ZGRF1: variants seen among roughly 807,000 people sequenced by gnomAD.
ZGRF1 encodes 5'-3' DNA helicase ZGRF1.
ZGRF1 carries 196 observed loss-of-function variants against 203.5 expected under a neutral mutation model. That is an observed-to-expected ratio of 0.96 (90% CI 0.86 to 1.08). The LOEUF is 1.08. Ranked by LOEUF, ZGRF1 falls within the 50% of genes least tolerant of loss-of-function variation. The probability of loss-of-function intolerance (pLI) is 0.00; values close to 1 mark genes in which losing one functional copy is unlikely to be tolerated. For synonymous variants in ZGRF1, 809 were observed against 841.3 expected, an observed-to-expected ratio of 0.96 and a Z score of 0.66; for missense variants, 2,326 against 2,416.3, an observed-to-expected ratio of 0.96 and a Z score of 0.78.
At chr4:112,629,272 T>C (rs965302076) in intron 3 of ZGRF1, among the ~76,000 whole-genome samples, 1 of 152,242 alleles carries the variant, frequency 6.6e-6, no homozygotes, top group South Asian at 2.1e-4. Context: ...TAGAACTGGA[T>C]ATAGAGATAA....
intron 24 of ZGRF1, among the ~76,000 whole-genome samples, chr4:112,545,193 GAA>G (rs1313355560): frequency 3.3e-5 from 5 of 149,598 alleles, no homozygotes; most frequent in African/African-American, 1.2e-4. Context: ...CTATTAAAGT[GAA>G]AAGACAACCA....
rs926727238 is a variant in ZGRF1, at chr4:112,580,849, C to G, written c.4438+814G>C. 1.6e-3 allele frequency among the ~76,000 whole-genome samples: 241 copies of G among 152,208 alleles called. 1 individual carries two copies. The highest frequency in any genetic ancestry group is 2.5e-3 in the Non-Finnish European group (170 of 68,014). On this transcript the variant is annotated intron_variant, in intron 16 of 27. Transcript: ENST00000505019. Reference sequence around the variant, plus strand: ...TTGGTGGGACTGTAAACTAGTTCAACCATTGTGGAAGTCAGTGTGGTGATT... The same window carrying G: ...TTGGTGGGACTGTAAACTAGTTCAAGCATTGTGGAAGTCAGTGTGGTGATT...
At chr4:112,600,202 T>G (rs1749722174) in intron 10 of ZGRF1, among the ~76,000 whole-genome samples, 2 of 152,078 alleles carry the variant, frequency 1.3e-5, no homozygotes, top group Non-Finnish European at 2.9e-5. Flanking sequence ...TACCTAATTT[T>G]TAAATTTTTT....
intron 19 of ZGRF1, among the ~76,000 whole-genome samples, chr4:112,559,644 C>T (rs1475294693): frequency 1.3e-5 from 2 of 152,222 alleles, no homozygotes; most frequent in Non-Finnish European, 2.9e-5. Context: ...ATGTGCCAAG[C>T]ACTGTTCTAA....
intron 18 of ZGRF1, 80 bp downstream of exon 18, chr4:112,562,291 T>C (rs1578728755): frequency 1.3e-6 from 1 of 758,758 alleles, no homozygotes; most frequent in Non-Finnish European, 2.3e-6. Flanking sequence ...ATTTATATAC[T>C]GTACTTTTAT....
At chr4:112,559,353 C>T (rs1487927171) in intron 19 of ZGRF1, among the ~76,000 whole-genome samples, 1 of 152,114 alleles carries the variant, frequency 6.6e-6, no homozygotes, top group Non-Finnish European at 1.5e-5. Context: ...TGCATGCCTC[C>T]ATGTCCAGCT....
chr4:112,539,454 A>G lies in ZGRF1; in HGVS notation c.*93T>C. The stretch of plus-strand genomic sequence containing the variant: ...ATGTTATTTAAATATCATATTTTTA[A>G]TAAGAGGGTTTAGAGTAATAAAAAT... On this transcript the variant is annotated 3_prime_UTR_variant, in exon 28 of 28. Coordinates refer to ENST00000505019, the MANE Select transcript of ZGRF1 (RefSeq NM_018392.5). 1 of 651,634 alleles carries G rather than the reference A, an allele frequency of 1.5e-6. No homozygotes were observed. Among genetic ancestry groups the G allele is most frequent in the Non-Finnish European group, 2.3e-6 (1 of 430,184 alleles). 40.4% of individuals were successfully genotyped at this position (651,634 alleles called of 1,614,324 possible).
Position 112,539,522 on chromosome 4 carries a change from T to C in ZGRF1, c.*25A>G, listed in dbSNP as rs1175685397. On this transcript the variant is annotated 3_prime_UTR_variant, in exon 28 of 28. Transcript: ENST00000505019. The stretch of plus-strand genomic sequence containing the variant: ...TAAAATGAGTCTGAATTTACATAAA[T>C]ACAAAATATTTACACCATGTCTTTT... The C allele has an allele frequency of 5.3e-6, 6 of 1,134,096 alleles. No individual in the cohort carries two copies. In the Admixed American group the frequency reaches 8.9e-5, roughly 17 times the overall value. 70.3% of individuals were successfully genotyped at this position (1,134,096 alleles called of 1,614,324 possible).
chr4:112,625,852 G>A (rs999643975), intron 3 of ZGRF1, among the ~76,000 whole-genome samples: 7 of 149,396 alleles, frequency 4.7e-5, no homozygotes, highest in African/African-American at 1.2e-4. Context: ...CTGAGAACAC[G>A]CCATTGCACT....
Position 112,587,283 on chromosome 4 carries a change from T to C in ZGRF1, c.3774A>G (p.Leu1258=). ...CAAGACCGGTACATTTCCTCACCTG[T>C]AAATCCTTTACACTGTAGTTGTAGC... ...STCYNYSVKD[L]QEISGSELCF... The change falls in exon 12 of 28, where the codon TTA becomes TTG. Residue 1258 remains leucine (L), a synonymous_variant. Transcript: ENST00000505019. 6.2e-7 allele frequency: 1 copy of C among 1,601,784 alleles called. No homozygotes were observed. Among genetic ancestry groups the C allele is most frequent in the East Asian group, 2.2e-5 (1 of 44,770 alleles).
intron 13 of ZGRF1, among the ~76,000 whole-genome samples, chr4:112,586,094 A>G (rs1747137155): frequency 6.6e-6 from 1 of 152,152 alleles, no homozygotes; most frequent in African/African-American, 2.4e-5. Flanking sequence ...TACAAAAATT[A>G]GCTGGGTGTG....
intron 13 of ZGRF1, 85 bp from the exon 14 acceptor site, chr4:112,585,810 T>G: frequency 1.1e-6 from 1 of 931,272 alleles, no homozygotes; most frequent in Non-Finnish European, 1.5e-6. Context: ...TAGCTAAATT[T>G]GAATAGCCTT....
chr4:112,631,826 T>C (rs1190444354), intron 3 of ZGRF1, 104 bp downstream of exon 3: 2 of 522,488 alleles, frequency 3.8e-6, no homozygotes, highest in Non-Finnish European at 6.8e-6. Context: ...ATCATTTCAG[T>C]GTATGGATAT....
intron 24 of ZGRF1, among the ~76,000 whole-genome samples, chr4:112,544,759 T>A (rs1283345609): frequency 6.6e-6 from 1 of 152,154 alleles, no homozygotes; most frequent in Non-Finnish European, 1.5e-5. Flanking sequence ...CTCTGCCATG[T>A]GAGGACACAG....
At chr4:112,628,826 T>A (rs1475235216) in intron 3 of ZGRF1, 1 of 436,226 alleles carries the variant, frequency 2.3e-6, no homozygotes, top group African/African-American at 2.1e-5. Flanking sequence ...CTTTTAAATA[T>A]CTACAAGATT....
intron 24 of ZGRF1, among the ~76,000 whole-genome samples, chr4:112,542,392 G>C (rs1737815329): frequency 6.6e-6 from 1 of 152,174 alleles, no homozygotes; most frequent in South Asian, 2.1e-4. Context: ...AAAGCTAGTA[G>C]TAACAAGGGG....
chr4:112,560,789 C>A lies in ZGRF1; in HGVS notation c.4904G>T (p.Ser1635Ile). The change falls in exon 19 of 28, where the codon AGC becomes ATC. Residue 1635 changes from serine to isoleucine, a missense_variant. By Grantham distance (142) the Ser-to-Ile change is moderately radical. Transcript: ENST00000505019. ...TTGCAGTTCCTTCACTTCTTCAATG[C>A]TTTCATGTGATGCCATCATTTGAGC... is the stretch of plus-strand genomic sequence containing the variant. Reference protein sequence around the residue: ...QIAQMMASHESIEEVKELQTH... With the variant: ...QIAQMMASHEIIEEVKELQTH... The A allele has an allele frequency of 6.2e-7, 1 of 1,608,548 alleles. No homozygotes were observed. The highest frequency in any genetic ancestry group is 8.5e-7 in the Non-Finnish European group (1 of 1,175,262).
At chr4:112,565,004 A>T in intron 16 of ZGRF1, 1 of 923,356 alleles carries the variant, frequency 1.1e-6, no homozygotes, top group South Asian at 1.3e-5. Flanking sequence ...CGTACAAGGC[A>T]GACTGCCCAC....
intron 12 of ZGRF1, 72 bp downstream of exon 12, chr4:112,587,208 G>T: frequency 2.8e-6 from 4 of 1,409,418 alleles, no homozygotes; most frequent in Non-Finnish European, 3.8e-6. Flanking sequence ...AGTATATTTT[G>T]GTAATTCTTT....
Sources: gnomAD v4.1 joint callset for allele counts (sites outside exome capture counted in the v4.1 genomes callset) on GRCh38, gnomAD v4.1.1 for gene constraint, MANE v1.5 for transcripts, NCBI Gene and HGNC (gene_info 2026-07-23, HGNC 2026-07-21) for gene names.